HAAO: variants seen among roughly 807,000 people sequenced by gnomAD.
The protein encoded by HAAO is 3-hydroxyanthranilate 3,4-dioxygenase.
HAAO carries 49 observed loss-of-function variants against 46.2 expected under a neutral mutation model. The ratio of observed to expected loss-of-function variants is 1.06; its 90% confidence interval spans 0.84 to 1.34. The LOEUF (loss-of-function observed/expected upper bound fraction) is 1.34, where lower values mean the gene tolerates loss of function less well. HAAO is among the 40% of genes most tolerant of loss of function. The probability of loss-of-function intolerance (pLI) is 0.00; values close to 1 mark genes in which losing one functional copy is unlikely to be tolerated. For missense variants in HAAO, 408 were observed against 364.5 expected, an observed-to-expected ratio of 1.12 and a Z score of -0.97; for synonymous variants, 157 against 145.2, an observed-to-expected ratio of 1.08 and a Z score of -0.58.
intron 4 of HAAO, among the ~76,000 whole-genome samples, chr2:42,772,599 AT>A (rs1022377888): frequency 2.2e-4 from 33 of 151,846 alleles, no homozygotes; most frequent in African/African-American, 7.5e-4. Context: ...TGACAGGACA[AT>A]TTTTTTTGTT....
At chr2:42,784,061 A>G (rs1398885686) in intron 2 of HAAO, 194 bp from the exon 3 acceptor site, 1 of 615,672 alleles carries the variant, frequency 1.6e-6, no homozygotes, top group African/African-American at 2.0e-5. Context: ...GACACATGGG[A>G]TCATGTCTTG....
At chr2:42,773,639 C>T (rs998401294) in intron 4 of HAAO, among the ~76,000 whole-genome samples, 3 of 145,926 alleles carry the variant, frequency 2.1e-5, no homozygotes, top group Admixed American at 7.0e-5. Flanking sequence ...CAGGCTGGAG[C>T]GCACTGGCGC....
intron 7 of HAAO, among the ~76,000 whole-genome samples, chr2:42,768,341 C>T (rs1297261383): frequency 6.6e-6 from 1 of 152,200 alleles, no homozygotes; most frequent in Non-Finnish European, 1.5e-5. Flanking sequence ...TGAGGGCTCT[C>T]TGACATGCAC....
rs375595420 is a variant in HAAO, at chr2:42,783,331, G to A, written c.333C>T (p.Thr111=). 9.3e-5 allele frequency: 149 copies of A among 1,609,426 alleles called. No homozygotes were observed. Among genetic ancestry groups the A allele is most frequent in the Non-Finnish European group, 1.2e-4 (141 of 1,176,676 alleles). The change falls in exon 4 of 10, where the codon ACC becomes ACT. Residue 111 remains threonine, a synonymous_variant. Coordinates refer to ENST00000294973, the MANE Select transcript of HAAO (RefSeq NM_012205.3). ...GLVVERRRLE[T]ELDGLRYYVG... is the part of the protein sequence containing the mutation. ...GAATTTACCTGAGCCCATCTAGCTC[G>A]GTCTCCAGCCGCCTTCGCTCAACCA... is the stretch of plus-strand genomic sequence containing the variant.
chr2:42,769,702 G>A lies in HAAO; in HGVS notation c.630+11C>T. On this transcript the variant is annotated intron_variant, in intron 7 of 9. Transcript: ENST00000294973. ...TGGGAGGATGCCCCGGATGCCCCAG[G>A]ACTACATTACCTGGGTCTCATAGGT... The A allele has an allele frequency of 1.9e-6, 3 of 1,600,344 alleles. No individual in the cohort carries two copies. The highest frequency in any genetic ancestry group is 2.6e-6 in the Non-Finnish European group (3 of 1,172,808).
chr2:42,789,422 T>C (rs1672624783), intron 1 of HAAO, among the ~76,000 whole-genome samples: 1 of 152,052 alleles, frequency 6.6e-6, no homozygotes, highest in African/African-American at 2.4e-5. Flanking sequence ...ATACAAAAAT[T>C]AGCCAGGCCT....
Position 42,770,581 on chromosome 2 carries a change from A to G in HAAO, c.352T>C (p.Tyr118His). The G allele has an allele frequency of 6.5e-7, 1 of 1,548,888 alleles. No individual in the cohort carries two copies. Among genetic ancestry groups the G allele is most frequent in the Non-Finnish European group, 8.7e-7 (1 of 1,145,094 alleles). The change falls in exon 5 of 10, where the codon TAC (tyrosine) becomes CAC (histidine). Residue 118 changes from tyrosine to histidine, a missense_variant and splice_region_variant. Tyr to His is a moderately conservative substitution (Grantham distance 83, BLOSUM62 2). Transcript: ENST00000294973. Reference sequence around the variant, plus strand: ...ACGTCCATGGTGTCGCCCACATAGTACCTGCCAGAGCAGAGGACAGGCAAC... The same window carrying G: ...ACGTCCATGGTGTCGCCCACATAGTGCCTGCCAGAGCAGAGGACAGGCAAC... ...RLETELDGLR[Y>H]YVGDTMDVLF...
At chr2:42,784,316 G>A (rs975116632) in intron 2 of HAAO, among the ~76,000 whole-genome samples, 2 of 152,150 alleles carry the variant, frequency 1.3e-5, no homozygotes, top group African/African-American at 4.8e-5. Context: ...GGCTCAGAGG[G>A]TAAAACAGCT....
chr2:42,782,535 C>A (rs924655685), intron 4 of HAAO, among the ~76,000 whole-genome samples: 2 of 152,044 alleles, frequency 1.3e-5, no homozygotes, highest in African/African-American at 4.8e-5. Context: ...AATGCTTTCT[C>A]CAAAAGATTT....
At chr2:42,770,246 A>C in intron 5 of HAAO, 60 bp from the exon 6 acceptor site, 2 of 1,351,060 alleles carry the variant, frequency 1.5e-6, no homozygotes, top group Non-Finnish European at 2.1e-6. Flanking sequence ...GTGGCCAGCG[A>C]CACACACATA....
chr2:42,779,565 C>T (rs1335221433), intron 4 of HAAO, among the ~76,000 whole-genome samples: 1 of 152,314 alleles, frequency 6.6e-6, no homozygotes, highest in South Asian at 2.1e-4. Context: ...CGTGATCCCC[C>T]CACCTCGGCC....
intron 4 of HAAO, among the ~76,000 whole-genome samples, chr2:42,772,820 TG>T (rs1671235580): frequency 6.6e-6 from 1 of 152,092 alleles, no homozygotes; most frequent in Non-Finnish European, 1.5e-5. Flanking sequence ...CAAAGTATCC[TG>T]TTCCTGGTGA....
At chr2:42,780,959 C>A (rs796387863) in intron 4 of HAAO, among the ~76,000 whole-genome samples, 152 of 151,352 alleles carry the variant, frequency 1.0e-3, no homozygotes, top group African/African-American at 3.4e-3. Flanking sequence ...CGCCTGTAGT[C>A]CCAGCTACTC....
intron 1 of HAAO, among the ~76,000 whole-genome samples, chr2:42,789,647 A>G (rs1672646332): frequency 6.6e-6 from 1 of 152,094 alleles, no homozygotes; most frequent in African/African-American, 2.4e-5. Context: ...GAGGGTCACA[A>G]AGCCAGGGAA....
Position 42,767,168 on chromosome 2 carries a change from G to A in HAAO, c.*269C>T. 1 of 568,814 alleles carries A rather than the reference G, an allele frequency of 1.8e-6. No homozygotes were observed. Among genetic ancestry groups the A allele is most frequent in the South Asian group, 2.0e-5 (1 of 50,454 alleles). 35.2% of individuals were successfully genotyped at this position (568,814 alleles called of 1,614,324 possible). On this transcript the variant is annotated 3_prime_UTR_variant, in exon 10 of 10. Transcript: ENST00000294973. ...TGAGTCTGCAGGGACAGAGGAATGGGCAGGAGCGGGGCCGGGGGTAGACCA... is the reference window on the plus strand; with the variant it reads ...TGAGTCTGCAGGGACAGAGGAATGGACAGGAGCGGGGCCGGGGGTAGACCA...
intron 2 of HAAO, among the ~76,000 whole-genome samples, chr2:42,784,385 C>T (rs575133429): frequency 1.6e-3 from 236 of 152,036 alleles, no homozygotes; most frequent in African/African-American, 5.1e-3. Context: ...GATCCAAGGC[C>T]GTATGTGGCT....
intron 5 of HAAO, 116 bp from the exon 6 acceptor site, chr2:42,770,302 G>T: frequency 1.1e-6 from 1 of 925,520 alleles, no homozygotes; most frequent in Non-Finnish European, 1.7e-6. Flanking sequence ...CACTCATGGG[G>T]CTCTCACACA....
chr2:42,769,632 A>T, intron 7 of HAAO, 81 bp downstream of exon 7: 1 of 944,090 alleles, frequency 1.1e-6, no homozygotes, highest in Non-Finnish European at 1.6e-6. Context: ...AGAGAGAGAG[A>T]GAGGCAGTGA....
At chr2:42,786,453 T>G (rs6544597) in intron 2 of HAAO, among the ~76,000 whole-genome samples, 124,108 of 152,180 alleles carry the variant, frequency 0.82, 51,219 homozygotes, top group Middle Eastern at 0.95. Flanking sequence ...TTTCAGGCAG[T>G]CCAGGCAGAA....
Sources: allele counts gnomAD v4.1 joint callset (sites outside exome capture counted in the v4.1 genomes callset), GRCh38; gene constraint gnomAD v4.1.1; transcripts MANE v1.5; gene names NCBI Gene and HGNC (gene_info 2026-07-23, HGNC 2026-07-21).